Variants in PPM1H observed in about 807,000 individuals in gnomAD.
PPM1H encodes the protein protein phosphatase, Mg2+/Mn2+ dependent 1H.
Under a neutral mutation model 54.9 loss-of-function variants are expected in PPM1H, and 27 were observed. That is an observed-to-expected ratio of 0.49 (90% confidence interval 0.36 to 0.68). The LOEUF is 0.68. Among genes scored for constraint, PPM1H ranks in the 30% least tolerant of loss-of-function variants. The pLI is 0.00. For synonymous variants in PPM1H, 305 were observed against 270.8 expected, an observed-to-expected ratio of 1.13 and a Z score of -1.24; for missense variants, 596 against 667.8, an observed-to-expected ratio of 0.89 and a Z score of 1.19.
chr12:62,765,937 G>A (rs2076540090), intron 4 of PPM1H, among the ~76,000 whole-genome samples: 1 of 152,210 alleles, frequency 6.6e-6, no homozygotes, highest in African/African-American at 2.4e-5. Flanking sequence ...GGTAGAAAGA[G>A]GCTAGAATCT....
At chr12:62,921,882 C>T (rs1367468348) in intron 1 of PPM1H, among the ~76,000 whole-genome samples, 4 of 152,200 alleles carry the variant, frequency 2.6e-5, no homozygotes, top group African/African-American at 7.2e-5. Flanking sequence ...CATAAAACCT[C>T]ACTTACGATT....
chr12:62,748,421 A>T (rs2076424292), intron 4 of PPM1H, among the ~76,000 whole-genome samples: 1 of 152,124 alleles, frequency 6.6e-6, no homozygotes, highest in Non-Finnish European at 1.5e-5. Context: ...TAGTTTAAAA[A>T]AGTCCTGGGA....
chr12:62,732,402 A>G (rs557023746), intron 5 of PPM1H, among the ~76,000 whole-genome samples: 3 of 152,322 alleles, frequency 2.0e-5, no homozygotes, highest in Admixed American at 2.0e-4. Flanking sequence ...TACCAAGAAC[A>G]CTGAACATTC....
At chr12:62,802,239 T>TGGG in intron 2 of PPM1H, 79 bp from the exon 3 acceptor site, 1 of 1,184,966 alleles carries the variant, frequency 8.4e-7, no homozygotes, top group Non-Finnish European at 1.2e-6. Flanking sequence ...GGGACATCTA[T>TGGG]GGGACTGAGG....
In PPM1H at chr12:62,762,590, TA is replaced by T. The variant is rs370644207; in HGVS notation, c.870-25005del. Among the ~76,000 whole-genome samples, 39 of 152,286 alleles carry T rather than the reference TA, an allele frequency of 2.6e-4. No individual in the cohort carries two copies. In the East Asian group the frequency reaches 5.8e-3, roughly 23 times the overall value. On this transcript the variant is annotated intron_variant, in intron 4 of 9. Transcript: ENST00000228705. ...ATGAGGGTTGCCATGTGGAGGGTGC[TA>T]GGGGGAGGATGCTAAGTGAAGATGC...
intron 1 of PPM1H, among the ~76,000 whole-genome samples, chr12:62,835,121 C>A (rs562563635): frequency 2.0e-5 from 3 of 152,286 alleles, no homozygotes; most frequent in Admixed American, 6.5e-5. Flanking sequence ...AAAAAAGCAT[C>A]GCTGATCTCC....
chr12:62,829,285 A>G (rs1055900166), intron 2 of PPM1H, among the ~76,000 whole-genome samples: 2 of 152,220 alleles, frequency 1.3e-5, no homozygotes, highest in Non-Finnish European at 2.9e-5. Flanking sequence ...GTATGATTCT[A>G]CTTATGTGAG....
chr12:62,716,179 G>A (rs1434741294), intron 6 of PPM1H, among the ~76,000 whole-genome samples: 1 of 152,182 alleles, frequency 6.6e-6, no homozygotes, highest in Non-Finnish European at 1.5e-5. Context: ...CAAAATGGGA[G>A]TAAGGGGGGG....
intron 5 of PPM1H, among the ~76,000 whole-genome samples, chr12:62,731,499 C>A (rs1247980198): frequency 1.3e-5 from 2 of 152,254 alleles, no homozygotes; most frequent in East Asian, 3.9e-4. Flanking sequence ...CTGCAGACAA[C>A]TCTTGAGCAG....
At chr12:62,837,737 A>G (rs1565804686) in intron 1 of PPM1H, among the ~76,000 whole-genome samples, 1 of 152,242 alleles carries the variant, frequency 6.6e-6, no homozygotes, top group Non-Finnish European at 1.5e-5. Context: ...GTAAGCACTT[A>G]AAATATGTTA....
chr12:62,767,721 T>A (rs183933809), intron 4 of PPM1H, among the ~76,000 whole-genome samples: 2 of 152,298 alleles, frequency 1.3e-5, no homozygotes, highest in Admixed American at 1.3e-4. Context: ...ATGACTTCTC[T>A]CACAGTTCTG....
chr12:62,922,202 T>C (rs1871821494), intron 1 of PPM1H, among the ~76,000 whole-genome samples: 1 of 152,242 alleles, frequency 6.6e-6, no homozygotes, highest in African/African-American at 2.4e-5. Context: ...CTGTTAAATG[T>C]ATCCTTTTAT....
chr12:62,783,232 A>G (rs73130060), intron 4 of PPM1H, among the ~76,000 whole-genome samples: 1,840 of 152,328 alleles, frequency 0.012, 28 homozygotes, highest in Non-Finnish European at 0.016. Context: ...TTATAAATGA[A>G]TGAATTGGAC....
At chr12:62,888,541 A>G (rs1870671605) in intron 1 of PPM1H, among the ~76,000 whole-genome samples, 1 of 152,160 alleles carries the variant, frequency 6.6e-6, no homozygotes, top group African/African-American at 2.4e-5. Flanking sequence ...AAACCAAGAA[A>G]CTATCGTCAG....
Position 62,934,580 on chromosome 12 carries a change from C to T in PPM1H, c.157G>A (p.Glu53Lys). ...ATGTGGTCGGCGCTGCACTCCACCTCGTCCTGAGACAGCCCCAGGAACTCT... is the reference window on the plus strand; with the variant it reads ...ATGTGGTCGGCGCTGCACTCCACCTTGTCCTGAGACAGCCCCAGGAACTCT... ...RPEFLGLSQD[E>K]VECSADHIAR... The change falls in exon 1 of 10, where the codon GAG becomes AAG. Residue 53 changes from glutamate (E) to lysine (K), a missense_variant. By Grantham distance (56) the Glu-to-Lys change is moderately conservative. Around this residue, in one of 3 missense-constraint regions of PPM1H, gnomAD observed 382 missense variants for 387.1 expected, o/e 0.99. Transcript: ENST00000228705. This position sits in a 1 kb window ranked among gnomAD's most constrained non-coding sequence, Gnocchi z 4.2. The T allele has an allele frequency of 6.4e-7, 1 of 1,561,618 alleles. No individual in the cohort carries two copies. Among genetic ancestry groups the T allele is most frequent in the Non-Finnish European group, 8.7e-7 (1 of 1,154,174 alleles).
intron 6 of PPM1H, among the ~76,000 whole-genome samples, chr12:62,718,897 A>C (rs2076249388): frequency 6.6e-6 from 1 of 152,244 alleles, no homozygotes. Context: ...ATTTTAGAGC[A>C]GGGGTAAATT....
In PPM1H at chr12:62,934,885, T is replaced by A; in HGVS notation, c.-149A>T. ...GCCGCGCGCGGCTCCCAGAGCCTAG[T>A]GCTGCAGGGGGCCGAGCCCCGGCCT... On this transcript the variant is annotated 5_prime_UTR_variant, in exon 1 of 10. Coordinates refer to ENST00000228705, the MANE Select transcript of PPM1H (RefSeq NM_020700.2). This position sits in a 1 kb window ranked among gnomAD's most constrained non-coding sequence, Gnocchi z 4.2. 1 of 699,698 alleles carries A rather than the reference T, an allele frequency of 1.4e-6. No individual in the cohort carries two copies. Among genetic ancestry groups the A allele is most frequent in the Non-Finnish European group, 1.9e-6 (1 of 513,852 alleles). 43.3% of individuals were successfully genotyped at this position (699,698 alleles called of 1,614,324 possible).
At position 62,689,757 on chromosome 12, in the gene PPM1H, T is replaced by A; in HGVS notation, c.1187A>T (p.Asp396Val). 1 of 1,613,784 alleles carries A rather than the reference T, an allele frequency of 6.2e-7. No homozygotes were observed. The highest frequency in any genetic ancestry group is 8.5e-7 in the Non-Finnish European group (1 of 1,179,826). Residue 396 changes from aspartate to valine, a missense_variant, in exon 8 of 10, where the codon GAC becomes GTC. By Grantham distance (152) the Asp-to-Val change is radical. Transcript: ENST00000228705. ...GATGTTGGAGTCATGCACCTTCAGG[T>A]CATGGTCCCCAAGTCCCCTGGTCAC... ...IGVTRGLGDH[D>V]LKVHDSNIYI...
intron 8 of PPM1H, among the ~76,000 whole-genome samples, chr12:62,674,148 C>A (rs1392207336): frequency 6.6e-6 from 1 of 152,136 alleles, no homozygotes; most frequent in Non-Finnish European, 1.5e-5. Flanking sequence ...AGGGAACTGC[C>A]AATTTTAATT....
Sources: gnomAD v4.1 joint callset for allele counts (sites outside exome capture counted in the v4.1 genomes callset) on GRCh38, gnomAD v4.1.1 for gene constraint, gnomAD v4.1.1 regional missense constraint, Gnocchi (gnomAD v3.1) non-coding constraint, MANE v1.5 for transcripts, NCBI Gene and HGNC (gene_info 2026-07-23, HGNC 2026-07-21) for gene names.